CEP128: variants seen among roughly 807,000 people sequenced by gnomAD.
The protein encoded by CEP128 is centrosomal protein 128.
Under a neutral mutation model 156.7 loss-of-function variants are expected in CEP128, and 132 were observed. The ratio of observed to expected loss-of-function variants is 0.84; its 90% confidence interval spans 0.73 to 0.97. CEP128 has a LOEUF of 0.97. Ranked by LOEUF, CEP128 falls within the 50% of genes least tolerant of loss-of-function variation. The pLI, the probability that CEP128 is intolerant of heterozygous loss-of-function variation, is 0.00. For synonymous variants in CEP128, 469 were observed against 448.9 expected (o/e 1.04, Z -0.57); for missense variants, 1,252 against 1,281.9 (o/e 0.98, Z 0.36).
At chr14:80,536,161 G>A (rs1889473793) in intron 21 of CEP128, among the ~76,000 whole-genome samples, 1 of 152,038 alleles carries the variant, frequency 6.6e-6, no homozygotes, top group African/African-American at 2.4e-5. Flanking sequence ...GACAACATAA[G>A]TAGCAGCAAT....
intron 19 of CEP128, among the ~76,000 whole-genome samples, chr14:80,671,164 C>A (rs1462246930): frequency 6.6e-6 from 1 of 152,066 alleles, no homozygotes; most frequent in Non-Finnish European, 1.5e-5. Flanking sequence ...TAGATAAGGA[C>A]CTTCAGCATT....
chr14:80,865,936 C>T (rs1887748528), intron 8 of CEP128, among the ~76,000 whole-genome samples: 1 of 152,162 alleles, frequency 6.6e-6, no homozygotes, highest in South Asian at 2.1e-4. Context: ...CCAAAGGACC[C>T]AGCAAAGCCA....
chr14:80,895,422 T>C (rs867825461), intron 8 of CEP128, among the ~76,000 whole-genome samples: 6 of 152,158 alleles, frequency 3.9e-5, no homozygotes, highest in African/African-American at 1.2e-4. Flanking sequence ...AAATTATCTT[T>C]CAAATAGTCA....
At chr14:80,857,068 T>C (rs1013679922) in intron 9 of CEP128, among the ~76,000 whole-genome samples, 4 of 151,972 alleles carry the variant, frequency 2.6e-5, no homozygotes, top group African/African-American at 7.2e-5. Context: ...TTTTAAGTAA[T>C]TCGGCTGAAG....
chr14:80,514,307 C>A (rs1461889389), intron 23 of CEP128, among the ~76,000 whole-genome samples: 1 of 152,132 alleles, frequency 6.6e-6, no homozygotes, highest in East Asian at 1.9e-4. Flanking sequence ...TGGGCCACAG[C>A]CACTCATATT....
intron 2 of CEP128, among the ~76,000 whole-genome samples, chr14:80,922,832 A>G (rs982931070): frequency 2.0e-5 from 3 of 152,226 alleles, no homozygotes; most frequent in African/African-American, 7.2e-5. Context: ...AGAATGACCA[A>G]ACTCTTGAAT....
At position 80,527,429 on chromosome 14, in the gene CEP128, T is replaced by TAA. The variant is rs368392939; in HGVS notation, c.2959-449_2959-448dup. On this transcript the variant is annotated intron_variant, in intron 22 of 24. Transcript: ENST00000555265. ...CTGGGTGAAAGAGCAAGGCTCTGTC[T>TAA]AAAAAAAAAAAAAAAAAGAACAAGA... Among the ~76,000 whole-genome samples the TAA allele has an allele frequency of 3.6e-3, 454 of 126,212 alleles. 4 individuals carry two copies. The highest frequency in any genetic ancestry group is 0.014 in the African/African-American group (444 of 32,294). 82.8% of individuals were successfully genotyped at this position (126,212 alleles called of 152,430 possible).
At chr14:80,813,843 C>T (rs1220672462) in intron 13 of CEP128, among the ~76,000 whole-genome samples, 2 of 152,112 alleles carry the variant, frequency 1.3e-5, no homozygotes, top group Admixed American at 6.5e-5. Flanking sequence ...TCATTAACTG[C>T]TACATCTTTG....
intron 20 of CEP128, among the ~76,000 whole-genome samples, chr14:80,575,372 C>A (rs1438736667): frequency 6.6e-6 from 1 of 152,026 alleles, no homozygotes; most frequent in Non-Finnish European, 1.5e-5. Flanking sequence ...GCCCAATAAT[C>A]AATTAATTAT....
At chr14:80,804,359 T>C (rs1202094197) in intron 13 of CEP128, among the ~76,000 whole-genome samples, 1 of 152,122 alleles carries the variant, frequency 6.6e-6, no homozygotes, top group Non-Finnish European at 1.5e-5. Context: ...ACTGCAATGA[T>C]AATGATATTT....
chr14:80,741,141 T>C (rs1429482051), intron 19 of CEP128, among the ~76,000 whole-genome samples: 1 of 152,144 alleles, frequency 6.6e-6, no homozygotes, highest in East Asian at 1.9e-4. Flanking sequence ...GAGTCACTAT[T>C]TCAGTTTCAG....
intron 20 of CEP128, among the ~76,000 whole-genome samples, chr14:80,573,837 T>A (rs1285829425): frequency 6.6e-6 from 1 of 152,194 alleles, no homozygotes; most frequent in African/African-American, 2.4e-5. Context: ...AGCTGTTAAG[T>A]TACCTCTGCC....
intron 13 of CEP128, among the ~76,000 whole-genome samples, chr14:80,801,648 C>T (rs1414620179): frequency 6.6e-6 from 1 of 151,950 alleles, no homozygotes. Context: ...GTGGCTCACA[C>T]CTGTAATTCC....
chr14:80,796,518 C>T (rs1883489728), intron 13 of CEP128, among the ~76,000 whole-genome samples: 1 of 152,066 alleles, frequency 6.6e-6, no homozygotes, highest in Non-Finnish European at 1.5e-5. Context: ...TGTTAATAAC[C>T]CCTTGCTCAT....
At chr14:80,826,381 A>C (rs1885482491) in intron 13 of CEP128, among the ~76,000 whole-genome samples, 1 of 152,156 alleles carries the variant, frequency 6.6e-6, no homozygotes, top group Non-Finnish European at 1.5e-5. Context: ...ATAAGGAAGA[A>C]ATTAAGATTT....
At chr14:80,709,007 A>G (rs928399187) in intron 19 of CEP128, among the ~76,000 whole-genome samples, 2 of 151,986 alleles carry the variant, frequency 1.3e-5, no homozygotes, top group African/African-American at 4.8e-5. Context: ...TAGTCCTTCT[A>G]GTCAATTTTT....
chr14:80,767,014 C>T (rs2139713262), intron 16 of CEP128, among the ~76,000 whole-genome samples: 1 of 152,162 alleles, frequency 6.6e-6, no homozygotes, highest in East Asian at 1.9e-4. Context: ...AGCTTTAAAT[C>T]CAGGACACTA....
exon 15 of CEP128, chr14:80,477,478 A>C (rs1001282952): frequency 3.9e-5 from 6 of 152,222 alleles, no homozygotes; most frequent in African/African-American, 1.4e-4. Context: ...AAGAATTATG[A>C]ACAAAGTCTT....
chr14:80,830,399 T>C (rs1885726924), intron 13 of CEP128: 1 of 400,306 alleles, frequency 2.5e-6, no homozygotes, highest in Admixed American at 4.3e-5. Flanking sequence ...TTGGAAATAC[T>C]TGAAATTAGA....
Sources: allele counts gnomAD v4.1 joint callset (sites outside exome capture counted in the v4.1 genomes callset), GRCh38; gene constraint gnomAD v4.1.1; transcripts MANE v1.5; gene names NCBI Gene and HGNC (gene_info 2026-07-23, HGNC 2026-07-21).